The following ZNF473 variants were observed in gnomAD, a reference collection of about 807,000 sequenced individuals.
ZNF473 encodes zinc finger protein 473, also known as zinc finger protein 100 homolog.
In ZNF473, 4 loss-of-function variants were observed where a neutral mutation model predicts 11.1. That is an observed-to-expected ratio of 0.36 (90% CI 0.18 to 0.82). The LOEUF is 0.82. Among genes scored for constraint, ZNF473 ranks in the 40% least tolerant of loss-of-function variants. ZNF473 has a pLI of 0.49. For missense variants in ZNF473, 854 were observed against 1,084.0 expected (o/e 0.79, Z 2.98); for synonymous variants, 404 against 390.4 (o/e 1.03, Z -0.41).
Position 50,047,018 on chromosome 19 carries a change from C to T in ZNF473, c.2575C>T (p.Arg859Cys), listed in dbSNP as rs1393892998. 1.9e-6 allele frequency: 3 copies of T among 1,613,702 alleles called. No homozygotes were observed. Among genetic ancestry groups the T allele is most frequent in the South Asian group, 1.1e-5 (1 of 91,080 alleles). Residue 859 changes from arginine to cysteine, a missense_variant, in exon 5 of 5, where the codon CGC becomes TGC. By Grantham distance (180) the Arg-to-Cys change is radical. Transcript: ENST00000270617. ...CTTTCGGTGCCACTCGAGCCTCAGCCGCCATCAGCGTGTACACAACAAGCA... is the reference window on the plus strand; with the variant it reads ...CTTTCGGTGCCACTCGAGCCTCAGCTGCCATCAGCGTGTACACAACAAGCA... ...KAFRCHSSLS[R>C]HQRVHNKQQY...
rs1438542841 is a variant in ZNF473 at position 50,046,391 on chromosome 19, G to A, written c.1948G>A (p.Glu650Lys). 2 of 1,614,162 alleles carry A rather than the reference G, an allele frequency of 1.2e-6. No homozygotes were observed. The highest frequency in any genetic ancestry group is 1.7e-5 in the Admixed American group (1 of 60,012). The change falls in exon 5 of 5, where the codon GAA becomes AAA. Residue 650 changes from glutamate to lysine, a missense_variant. This residue lies in a region of ZNF473 where 186 missense variants were observed against 293.8 expected (regional missense o/e 0.63). Transcript: ENST00000270617. This position sits in a 1 kb window ranked among gnomAD's most constrained non-coding sequence, Gnocchi z 5.9. ...HTKEHPFKCN[E>K]CGKTFSHSAH... ...AAAGGAGCACCCTTTTAAATGTAAC[G>A]AATGCGGAAAGACCTTCAGCCACAG...
At chr19:50,044,069 T>C (rs1237863406) in intron 4 of ZNF473, among the ~76,000 whole-genome samples, 1 of 152,068 alleles carries the variant, frequency 6.6e-6, no homozygotes, top group East Asian at 1.9e-4. Flanking sequence ...TCAGATCCAT[T>C]AACTACAAAG....
intron 4 of ZNF473, among the ~76,000 whole-genome samples, chr19:50,043,827 G>A (rs1357205749): frequency 6.6e-6 from 1 of 151,476 alleles, no homozygotes; most frequent in African/African-American, 2.5e-5. Context: ...GGGTTGTCAG[G>A]GAAGCCTTTC....
At chr19:50,040,044 GA>G (rs1029018396) in intron 3 of ZNF473, among the ~76,000 whole-genome samples, 1 of 152,192 alleles carries the variant, frequency 6.6e-6, no homozygotes, top group Admixed American at 6.5e-5. Flanking sequence ...GAGGTTAAAA[GA>G]GTGGCAGTCA....
intron 1 of ZNF473, 83 bp from the exon 2 acceptor site, chr19:50,030,809 A>G (rs1446233666): frequency 7.4e-6 from 4 of 538,710 alleles, no homozygotes; most frequent in Non-Finnish European, 1.3e-5. Context: ...TTGGTGGCGA[A>G]GCTGTTCTGT....
In ZNF473 at chr19:50,046,649, G is replaced by T. The variant is rs757488399; in HGVS notation, c.2206G>T (p.Gly736Trp). 1.2e-6 allele frequency: 2 copies of T among 1,614,100 alleles called. No individual in the cohort carries two copies. Among genetic ancestry groups the T allele is most frequent in the Admixed American group, 1.7e-5 (1 of 60,000 alleles). ...GAAGCCCTATGTATGTGATTACTGCGGGAAGGCCTTCGGCCTGAGTGCTGA... is the reference window on the plus strand; with the variant it reads ...GAAGCCCTATGTATGTGATTACTGCTGGAAGGCCTTCGGCCTGAGTGCTGA... ...GEKPYVCDYC[G>W]KAFGLSAELV... Residue 736 changes from glycine (G) to tryptophan (W), a missense_variant, in exon 5 of 5, where the codon GGG becomes TGG. This residue lies in a region of ZNF473 where 186 missense variants were observed against 293.8 expected (regional missense o/e 0.63). Transcript: ENST00000270617. The surrounding 1 kb of genome is among the most constrained non-coding windows in gnomAD (Gnocchi z 5.9).
Position 50,045,740 on chromosome 19 carries a change from T to C in ZNF473, c.1297T>C (p.Cys433Arg). ...RVHSGEKPYK[C>R]SECGKAFHRH... is the part of the protein sequence containing the mutation. ...TCACAGTGGAGAGAAGCCTTACAAA[T>C]GCAGTGAGTGTGGGAAGGCCTTCCA... is the stretch of plus-strand genomic sequence containing the variant. The change falls in exon 5 of 5, where the codon TGC becomes CGC. Residue 433 changes from cysteine (C) to arginine (R), a missense_variant. Physicochemically the swap from Cys to Arg is radical, Grantham distance 180 (BLOSUM62 -3). Coordinates refer to ENST00000270617, the MANE Select transcript of ZNF473 (RefSeq NM_015428.4). The C allele has an allele frequency of 2.5e-6, 4 of 1,614,068 alleles. No homozygotes were observed. The highest frequency in any genetic ancestry group is 2.5e-6 in the Non-Finnish European group (3 of 1,180,014).
intron 1 of ZNF473, among the ~76,000 whole-genome samples, chr19:50,029,071 T>G (rs1465167723): frequency 2.0e-5 from 3 of 152,256 alleles, no homozygotes; most frequent in Non-Finnish European, 4.4e-5. Flanking sequence ...ACGATGATAC[T>G]TTTCTCTAGG....
At chr19:50,037,393 G>A (rs188130905) in intron 2 of ZNF473, among the ~76,000 whole-genome samples, 18 of 152,262 alleles carry the variant, frequency 1.2e-4, no homozygotes, top group African/African-American at 3.4e-4. Flanking sequence ...TTCTTAAAAT[G>A]TGCCTGTGCC....
In ZNF473 at chr19:50,031,068, G is replaced by A. The variant is rs531519430; in HGVS notation, c.-15G>A. 32 of 1,566,076 alleles carry A rather than the reference G, an allele frequency of 2.0e-5. No individual in the cohort carries two copies. In the South Asian group the frequency reaches 3.6e-4, roughly 18 times the overall value. The stretch of plus-strand genomic sequence containing the variant: ...GAGGAGGAGCTTAAAAGAGGCTACT[G>A]AACCCCAGTTGGCCATGGCTGAGGT... On this transcript the variant is annotated 5_prime_UTR_variant, in exon 2 of 5. Coordinates refer to ENST00000270617, the MANE Select transcript of ZNF473 (RefSeq NM_015428.4).
At position 50,041,779 on chromosome 19, in the gene ZNF473, G is replaced by A. The variant is rs552494774; in HGVS notation, c.186G>A (p.Leu62=). 1.2e-5 allele frequency: 20 copies of A among 1,612,454 alleles called. No homozygotes were observed. In the East Asian group the frequency reaches 4.3e-4, roughly 34 times the overall value. ...LTSHPDGSED[L]EPLAGGSPEA... ...CCCACCCAGATGGCAGTGAAGATCTGGAGCCTCTGGCAGGAGGAAGCCCAG... is the reference window on the plus strand; with the variant it reads ...CCCACCCAGATGGCAGTGAAGATCTAGAGCCTCTGGCAGGAGGAAGCCCAG... The change falls in exon 4 of 5, where the codon CTG becomes CTA. Residue 62 remains leucine (L), a synonymous_variant. Transcript: ENST00000270617.
Position 50,046,521 on chromosome 19 carries a change from A to G in ZNF473, c.2078A>G (p.Glu693Gly), listed in dbSNP as rs1255977535. 1 of 1,614,234 alleles carries G rather than the reference A, an allele frequency of 6.2e-7. No individual in the cohort carries two copies. Among genetic ancestry groups the G allele is most frequent in the Admixed American group, 1.7e-5 (1 of 60,034 alleles). ...CAGAGAAACTACCTTGTTCAGCATGAGCGAACTCATGCCAGAAAGAAGCCG... is the reference window on the plus strand; with the variant it reads ...CAGAGAAACTACCTTGTTCAGCATGGGCGAACTCATGCCAGAAAGAAGCCG... ...FTQRNYLVQH[E>G]RTHARKKPLV... Residue 693 changes from glutamate (E) to glycine (G), a missense_variant, in exon 5 of 5, where the codon GAG becomes GGG. This residue lies in a region of ZNF473 where 186 missense variants were observed against 293.8 expected (regional missense o/e 0.63). Coordinates refer to ENST00000270617, the MANE Select transcript of ZNF473 (RefSeq NM_015428.4). The surrounding 1 kb of genome is among the most constrained non-coding windows in gnomAD (Gnocchi z 5.9).
intron 2 of ZNF473, among the ~76,000 whole-genome samples, chr19:50,032,744 T>C (rs2077324527): frequency 2.0e-5 from 3 of 152,134 alleles, no homozygotes; most frequent in Non-Finnish European, 2.9e-5. Context: ...ATCAGGGTGT[T>C]GGCAGGGCTG....
At position 50,046,716 on chromosome 19, in the gene ZNF473, A is replaced by T; in HGVS notation, c.2273A>T (p.Tyr758Phe). Residue 758 changes from tyrosine to phenylalanine, a missense_variant, in exon 5 of 5, where the codon TAT (tyrosine) becomes TTT (phenylalanine). Transcript: ENST00000270617. The surrounding 1 kb of genome is among the most constrained non-coding windows in gnomAD (Gnocchi z 5.9). ...HQRIHTGEKP[Y>F]VCQECGKAFT... Reference sequence around the variant, plus strand: ...AGAATTCACACTGGAGAAAAGCCTTATGTTTGTCAGGAATGCGGGAAAGCC... The same window carrying T: ...AGAATTCACACTGGAGAAAAGCCTTTTGTTTGTCAGGAATGCGGGAAAGCC... 1 of 1,614,068 alleles carries T rather than the reference A, an allele frequency of 6.2e-7. No homozygotes were observed. Among genetic ancestry groups the T allele is most frequent in the East Asian group, 2.2e-5 (1 of 44,878 alleles).
At position 50,046,203 on chromosome 19, in the gene ZNF473, G is replaced by T; in HGVS notation, c.1760G>T (p.Gly587Val). The change falls in exon 5 of 5, where the codon GGA (glycine) becomes GTA (valine). Residue 587 changes from glycine (G) to valine (V), a missense_variant. Gly to Val is a moderately radical substitution (Grantham distance 109). Coordinates refer to ENST00000270617, the MANE Select transcript of ZNF473 (RefSeq NM_015428.4). The surrounding 1 kb of genome is among the most constrained non-coding windows in gnomAD (Gnocchi z 5.9). The part of the protein sequence containing the change: ...LTQHERIHTR[G>V]VKPFECDQCG... ...CAGCACGAGAGGATTCACACCAGGGGAGTGAAGCCCTTTGAATGTGACCAG... is the reference window on the plus strand; with the variant it reads ...CAGCACGAGAGGATTCACACCAGGGTAGTGAAGCCCTTTGAATGTGACCAG... 6.2e-7 allele frequency: 1 copy of T among 1,614,186 alleles called. No homozygotes were observed. Among genetic ancestry groups the T allele is most frequent in the Non-Finnish European group, 8.5e-7 (1 of 1,180,032 alleles).
intron 4 of ZNF473, chr19:50,043,517 G>A (rs1405985857): frequency 6.7e-6 from 1 of 149,554 alleles, no homozygotes; most frequent in South Asian, 2.1e-4. Context: ...TCACTTACCT[G>A]TAAGAAAGCA....
chr19:50,040,673 T>G (rs907315866), intron 3 of ZNF473: 1 of 152,340 alleles, frequency 6.6e-6, no homozygotes, highest in Admixed American at 6.5e-5. Flanking sequence ...TCCCCATCAG[T>G]GTCACCTGAT....
intron 4 of ZNF473, 94 bp from the exon 5 acceptor site, chr19:50,044,575 AT>A (rs1489275473): frequency 1.9e-6 from 2 of 1,049,038 alleles, no homozygotes; most frequent in Non-Finnish European, 2.8e-6. Context: ...GGGTCCCTTG[AT>A]GGATAGGCTG....
chr19:50,028,315 CAA>C (rs1292425678), intron 1 of ZNF473, among the ~76,000 whole-genome samples: 7,215 of 138,472 alleles, frequency 0.052, 609 homozygotes, highest in African/African-American at 0.19. Flanking sequence ...AAAAAAAAAA[CAA>C]ATTTAATTTT....
Sources: allele counts gnomAD v4.1 joint callset (sites outside exome capture counted in the v4.1 genomes callset), GRCh38; gene constraint gnomAD v4.1.1; regional missense constraint gnomAD v4.1.1; non-coding constraint Gnocchi (gnomAD v3.1); transcripts MANE v1.5; gene names NCBI Gene and HGNC (gene_info 2026-07-23, HGNC 2026-07-21).